Variants in PELI2 observed in about 807,000 individuals in gnomAD.
PELI2 encodes pellino E3 ubiquitin protein ligase family member 2.
Under a neutral mutation model 42.3 loss-of-function variants are expected in PELI2, and 23 were observed. That is an observed-to-expected ratio of 0.54 (90% CI 0.39 to 0.77). The LOEUF (loss-of-function observed/expected upper bound fraction) is 0.77. Ranked by LOEUF, PELI2 falls within the 30% of genes least tolerant of loss-of-function variation. The pLI is 0.00. For synonymous variants in PELI2, 245 were observed against 212.2 expected, an observed-to-expected ratio of 1.15 and a Z score of -1.34; for missense variants, 463 against 553.2, an observed-to-expected ratio of 0.84 and a Z score of 1.64.
chr14:56,204,595 G>A (rs562333213), intron 2 of PELI2, among the ~76,000 whole-genome samples: 3 of 152,242 alleles, frequency 2.0e-5, no homozygotes, highest in African/African-American at 7.2e-5. Context: ...ATGTATGGGT[G>A]TGGAGCTCGG....
At chr14:56,170,984 C>T (rs889128618) in intron 1 of PELI2, among the ~76,000 whole-genome samples, 6 of 152,200 alleles carry the variant, frequency 3.9e-5, no homozygotes, top group Non-Finnish European at 7.3e-5. Flanking sequence ...CAGCAGCACT[C>T]GGACATTTTA....
intron 2 of PELI2, among the ~76,000 whole-genome samples, chr14:56,193,022 C>A (rs934434995): frequency 2.0e-5 from 3 of 152,358 alleles, no homozygotes; most frequent in African/African-American, 2.4e-5. Context: ...ATATCTGACT[C>A]TTCCGACAAG....
chr14:56,293,054 G>C (rs1411901170), intron 5 of PELI2: 1 of 153,384 alleles, frequency 6.5e-6, no homozygotes, highest in Non-Finnish European at 1.4e-5. Flanking sequence ...TCTAGCAGGT[G>C]CATTACATTA....
At chr14:56,228,661 TC>T (rs1887447559) in intron 2 of PELI2, among the ~76,000 whole-genome samples, 1 of 152,212 alleles carries the variant, frequency 6.6e-6, no homozygotes, top group Non-Finnish European at 1.5e-5. Flanking sequence ...TAGGAACAGT[TC>T]CAGTCTACAG....
intron 2 of PELI2, among the ~76,000 whole-genome samples, chr14:56,261,690 G>A (rs1241980408): frequency 6.6e-6 from 1 of 152,188 alleles, no homozygotes; most frequent in Non-Finnish European, 1.5e-5. Context: ...TCACCTCATG[G>A]TGGTTGTGTG....
intron 2 of PELI2, among the ~76,000 whole-genome samples, chr14:56,216,408 A>G (rs1158563243): frequency 2.0e-5 from 3 of 152,254 alleles, no homozygotes; most frequent in Non-Finnish European, 4.4e-5. Flanking sequence ...CTTCTTGTTC[A>G]GCAAAGTGTG....
At chr14:56,153,402 A>G (rs1165842689) in intron 1 of PELI2, among the ~76,000 whole-genome samples, 2 of 152,228 alleles carry the variant, frequency 1.3e-5, no homozygotes, top group African/African-American at 4.8e-5. Flanking sequence ...CTGTTCAGCT[A>G]GAGAGAAAGT....
At chr14:56,178,750 G>C (rs1196947925) in intron 2 of PELI2, among the ~76,000 whole-genome samples, 2 of 152,206 alleles carry the variant, frequency 1.3e-5, no homozygotes, top group Admixed American at 6.5e-5. Context: ...CTCCTGGGGA[G>C]GGCTGGGCAG....
chr14:56,118,690 C>G lies in PELI2; in HGVS notation c.30C>G (p.Cys10Trp), dbSNP rs1882942426. MFSPGQEEH[C>W]APNKEPVKYG... Reference sequence around the variant, plus strand: ...TTTCCCCTGGCCAGGAGGAACACTGCGCCCCCAATAAGGAGCCAGTGAAAT... The same window carrying G: ...TTTCCCCTGGCCAGGAGGAACACTGGGCCCCCAATAAGGAGCCAGTGAAAT... Residue 10 changes from cysteine to tryptophan, a missense_variant, in exon 1 of 6, where the codon TGC (cysteine) becomes TGG (tryptophan). Coordinates refer to ENST00000267460, the MANE Select transcript of PELI2 (RefSeq NM_021255.3). 7.2e-6 allele frequency: 11 copies of G among 1,517,686 alleles called. No homozygotes were observed. The highest frequency in any genetic ancestry group is 7.1e-6 in the Non-Finnish European group (8 of 1,132,378). The allele number at this position is 1,517,686 out of a possible 1,614,324, so 94.0% of individuals were successfully genotyped here.
chr14:56,175,922 T>C (rs2139663710), intron 1 of PELI2, among the ~76,000 whole-genome samples: 1 of 152,358 alleles, frequency 6.6e-6, no homozygotes, highest in East Asian at 1.9e-4. Flanking sequence ...CCTTCTTCAC[T>C]TTGTCTGCTT....
intron 2 of PELI2, among the ~76,000 whole-genome samples, chr14:56,196,307 C>T (rs542740589): frequency 3.9e-5 from 6 of 152,070 alleles, no homozygotes; most frequent in Non-Finnish European, 7.3e-5. Flanking sequence ...ACTAGTGTGT[C>T]TGGCATTTAT....
chr14:56,142,082 G>A (rs920681515), intron 1 of PELI2, among the ~76,000 whole-genome samples: 10 of 152,118 alleles, frequency 6.6e-5, no homozygotes, highest in Admixed American at 2.6e-4. Flanking sequence ...GAAATAAGAC[G>A]TCACTGTGGG....
chr14:56,239,531 A>G (rs1887904217), intron 2 of PELI2, among the ~76,000 whole-genome samples: 2 of 152,182 alleles, frequency 1.3e-5, no homozygotes, highest in African/African-American at 4.8e-5. Flanking sequence ...GCCCTTATTA[A>G]TACTAATTAC....
Position 56,290,227 on chromosome 14 carries a change from C to T in PELI2, c.508-41C>T, listed in dbSNP as rs780519738. 1.3e-5 allele frequency: 19 copies of T among 1,423,740 alleles called. No homozygotes were observed. In the East Asian group the frequency reaches 4.5e-4, roughly 34 times the overall value. The allele number at this position is 1,423,740 out of a possible 1,614,324, so 88.2% of individuals were successfully genotyped here. A position where few individuals can be genotyped will look rare whatever the true frequency, so the allele number is the denominator to read the frequency against. ...TCCAGAATCCTTTCCATTTCAACAT[C>T]ATCTTAACCTACTTTTTCTGTTCTG... is the stretch of plus-strand genomic sequence containing the variant. On this transcript the variant is annotated intron_variant, in intron 4 of 5. Coordinates refer to ENST00000267460, the MANE Select transcript of PELI2 (RefSeq NM_021255.3).
intron 5 of PELI2, among the ~76,000 whole-genome samples, 157 bp downstream of exon 5, chr14:56,290,613 C>A (rs544265043): frequency 2.2e-4 from 33 of 152,292 alleles, no homozygotes; most frequent in African/African-American, 7.7e-4. Context: ...CCCCTGAAAT[C>A]AAGAGGGAAA....
At chr14:56,210,444 A>G (rs181016688) in intron 2 of PELI2, among the ~76,000 whole-genome samples, 102 of 152,066 alleles carry the variant, frequency 6.7e-4, no homozygotes, top group African/African-American at 2.4e-3. Flanking sequence ...TTTTTTTTCA[A>G]CTATGTACTT....
chr14:56,152,595 A>C (rs915399367), intron 1 of PELI2, among the ~76,000 whole-genome samples: 1 of 152,168 alleles, frequency 6.6e-6, no homozygotes, highest in East Asian at 1.9e-4. Flanking sequence ...TGTCCTGCAC[A>C]GGTCTTGTTT....
chr14:56,259,002 G>GA (rs1278666602), intron 2 of PELI2, among the ~76,000 whole-genome samples: 2 of 151,922 alleles, frequency 1.3e-5, no homozygotes, highest in African/African-American at 4.8e-5. Flanking sequence ...AATTAAGAAT[G>GA]AAAAAATTAA....
intron 2 of PELI2, among the ~76,000 whole-genome samples, chr14:56,183,503 GTATT>G (rs1315960564): frequency 1.3e-5 from 2 of 152,106 alleles, no homozygotes; most frequent in Admixed American, 6.5e-5. Flanking sequence ...CTGACATTAA[GTATT>G]TATTAGGACT....
Sources: gnomAD v4.1 joint callset for allele counts (sites outside exome capture counted in the v4.1 genomes callset) on GRCh38, gnomAD v4.1.1 for gene constraint, MANE v1.5 for transcripts, NCBI Gene and HGNC (gene_info 2026-07-23, HGNC 2026-07-21) for gene names.